The following ROBO2 variants were observed in gnomAD, a reference collection of about 807,000 sequenced individuals.
The protein encoded by ROBO2 is roundabout guidance receptor 2.
Under a neutral mutation model 160.8 loss-of-function variants are expected in ROBO2, and 53 were observed. That is an observed-to-expected ratio of 0.33 (90% CI 0.26 to 0.41). The LOEUF (loss-of-function observed/expected upper bound fraction) is 0.41, where lower values mean the gene tolerates loss of function less well. Among genes scored for constraint, ROBO2 ranks in the 10% least tolerant of loss-of-function variants. The probability of loss-of-function intolerance (pLI) is 1.00; values close to 1 mark genes in which losing one functional copy is unlikely to be tolerated. For synonymous variants in ROBO2, 664 were observed against 611.7 expected (o/e 1.09, Z -1.26); for missense variants, 1,577 against 1,722.4 (o/e 0.92, Z 1.49).
At chr3:76,355,096 T>G (rs1423501204) in intron 2 of ROBO2, among the ~76,000 whole-genome samples, 1 of 151,310 alleles carries the variant, frequency 6.6e-6, no homozygotes, top group Non-Finnish European at 1.5e-5. Flanking sequence ...TTGCAAGTGA[T>G]GCTATTATAT....
intron 2 of ROBO2, among the ~76,000 whole-genome samples, chr3:76,609,257 T>TTA (rs2087893091): frequency 6.6e-6 from 1 of 152,212 alleles, no homozygotes; most frequent in Admixed American, 6.5e-5. Context: ...GTTTTGGTTA[T>TTA]TATACCTTTG....
chr3:76,228,024 T>A (rs1704396848), intron 2 of ROBO2, among the ~76,000 whole-genome samples: 1 of 152,186 alleles, frequency 6.6e-6, no homozygotes, highest in South Asian at 2.1e-4. Flanking sequence ...AAGTATTGAC[T>A]AAGAATCTTA....
At chr3:76,843,019 A>C (rs557540886) in intron 2 of ROBO2, among the ~76,000 whole-genome samples, 26 of 152,218 alleles carry the variant, frequency 1.7e-4, no homozygotes, top group African/African-American at 5.8e-4. Flanking sequence ...TTTTAAAATA[A>C]CAAAAACAAA....
At chr3:76,071,560 G>A (rs1410557234) in intron 2 of ROBO2, among the ~76,000 whole-genome samples, 2 of 151,904 alleles carry the variant, frequency 1.3e-5, no homozygotes, top group South Asian at 2.1e-4. Flanking sequence ...GTATCTTTAG[G>A]TATTTCTTGT....
chr3:77,212,630 G>C (rs1301166864), intron 2 of ROBO2, among the ~76,000 whole-genome samples: 1 of 152,172 alleles, frequency 6.6e-6, no homozygotes, highest in Non-Finnish European at 1.5e-5. Flanking sequence ...GGAGTGGTGA[G>C]AGAGGGCATC....
At chr3:76,104,192 A>G (rs777923521) in intron 2 of ROBO2, among the ~76,000 whole-genome samples, 4 of 152,210 alleles carry the variant, frequency 2.6e-5, no homozygotes, top group Non-Finnish European at 5.9e-5. Flanking sequence ...ACATTTAATG[A>G]ACACTTAAAT....
chr3:77,242,478 T>C (rs773909731), intron 2 of ROBO2, among the ~76,000 whole-genome samples: 1 of 152,184 alleles, frequency 6.6e-6, no homozygotes, highest in Non-Finnish European at 1.5e-5. Context: ...TAGATGTTGT[T>C]ATCCAAAATA....
intron 2 of ROBO2, among the ~76,000 whole-genome samples, chr3:77,308,744 G>T (rs1037456157): frequency 2.6e-5 from 4 of 152,158 alleles, no homozygotes; most frequent in African/African-American, 4.8e-5. Context: ...CACAGAATTT[G>T]TAGGTTACTT....
At chr3:76,711,082 T>G (rs2093283414) in intron 2 of ROBO2, among the ~76,000 whole-genome samples, 1 of 152,206 alleles carries the variant, frequency 6.6e-6, no homozygotes, top group Non-Finnish European at 1.5e-5. Context: ...TTTCCAAGTT[T>G]GACTATCGTA....
intron 1 of ROBO2, among the ~76,000 whole-genome samples, chr3:77,067,388 A>G (rs191913146): frequency 1.1e-3 from 170 of 152,308 alleles, no homozygotes; most frequent in African/African-American, 3.9e-3. Flanking sequence ...TAACGTCTTT[A>G]TTTAACAAAA....
intron 2 of ROBO2, among the ~76,000 whole-genome samples, chr3:76,360,722 A>G (rs2075462820): frequency 6.6e-6 from 1 of 152,050 alleles, no homozygotes; most frequent in South Asian, 2.1e-4. Context: ...ATATCGTTAG[A>G]TGTCATTCGG....
intron 2 of ROBO2, among the ~76,000 whole-genome samples, chr3:77,149,583 G>T (rs574459873): frequency 6.6e-6 from 1 of 152,258 alleles, no homozygotes; most frequent in Admixed American, 6.5e-5. Flanking sequence ...AGGAGATTTA[G>T]ATGTGTCTGT....
At chr3:76,553,422 A>G (rs2083528986) in intron 2 of ROBO2, among the ~76,000 whole-genome samples, 1 of 152,144 alleles carries the variant, frequency 6.6e-6, no homozygotes. Context: ...AGTTTTAATG[A>G]CCAGAAGGTC....
At chr3:76,571,066 G>A (rs537677322) in intron 2 of ROBO2, among the ~76,000 whole-genome samples, 1 of 152,238 alleles carries the variant, frequency 6.6e-6, no homozygotes, top group East Asian at 1.9e-4. Context: ...ATTTGCACAG[G>A]TGATATGAAA....
At chr3:76,381,819 G>T (rs184766647) in intron 2 of ROBO2, among the ~76,000 whole-genome samples, 2 of 152,166 alleles carry the variant, frequency 1.3e-5, no homozygotes, top group South Asian at 2.1e-4. Flanking sequence ...TAAGTATTGC[G>T]CCTTATGTGT....
intron 2 of ROBO2, among the ~76,000 whole-genome samples, chr3:76,735,789 G>A (rs868140021): frequency 8.0e-6 from 1 of 125,306 alleles, no homozygotes; most frequent in African/African-American, 3.3e-5. Flanking sequence ...AAAAAAAAGG[G>A]GAAAGGGAAA....
At chr3:76,568,092 G>A (rs1013218391) in intron 2 of ROBO2, among the ~76,000 whole-genome samples, 2 of 151,748 alleles carry the variant, frequency 1.3e-5, no homozygotes, top group African/African-American at 4.8e-5. Context: ...TGGGATTGCA[G>A]GCATAAGCCA....
intron 2 of ROBO2, among the ~76,000 whole-genome samples, chr3:75,941,471 A>T (rs1365376093): frequency 6.6e-6 from 1 of 152,222 alleles, no homozygotes; most frequent in East Asian, 1.9e-4. Context: ...CAAAAATTTT[A>T]AACATTATCA....
At chr3:76,329,984 A>G (rs1183470365) in intron 2 of ROBO2, among the ~76,000 whole-genome samples, 1 of 152,200 alleles carries the variant, frequency 6.6e-6, no homozygotes, top group East Asian at 1.9e-4. Flanking sequence ...AATGTGTAAT[A>G]TATCTGAATA....
Sources: allele counts gnomAD v4.1 joint callset (sites outside exome capture counted in the v4.1 genomes callset), GRCh38; gene constraint gnomAD v4.1.1; transcripts MANE v1.5; gene names NCBI Gene and HGNC (gene_info 2026-07-23, HGNC 2026-07-21).